Variants in TRAPPC8 observed in about 807,000 individuals in gnomAD.
TRAPPC8 encodes trafficking protein particle complex subunit 8.
In TRAPPC8, 54 loss-of-function variants were observed where a neutral mutation model predicts 174.3. The observed-to-expected ratio is 0.31, with a 90% CI of 0.25 to 0.39. The LOEUF (loss-of-function observed/expected upper bound fraction) is 0.39, where lower values mean the gene tolerates loss of function less well. Among genes scored for constraint, TRAPPC8 ranks in the 10% least tolerant of loss-of-function variants. The pLI is 1.00. For synonymous variants in TRAPPC8, 630 were observed against 579.9 expected, an observed-to-expected ratio of 1.09 and a Z score of -1.24; for missense variants, 1,531 against 1,699.1, an observed-to-expected ratio of 0.90 and a Z score of 1.74.
chr18:31,836,822 C>T (rs2032760176), intron 27 of TRAPPC8, among the ~76,000 whole-genome samples: 1 of 144,142 alleles, frequency 6.9e-6, no homozygotes, highest in South Asian at 2.2e-4. Context: ...ACTGCAGTGG[C>T]ACGATCTCGG....
At chr18:31,858,089 T>C in intron 19 of TRAPPC8, 107 bp from the exon 20 acceptor site, 2 of 934,160 alleles carry the variant, frequency 2.1e-6, no homozygotes, top group Non-Finnish European at 3.2e-6. Context: ...GGTTTACAAG[T>C]GTTTCATTAA....
At chr18:31,900,865 A>G (rs2036390834) in intron 10 of TRAPPC8, 60 bp downstream of exon 10, 2 of 1,393,872 alleles carry the variant, frequency 1.4e-6, no homozygotes, top group South Asian at 1.3e-5. Context: ...GGGAAAAAAA[A>G]AAAAAAAGAA....
intron 20 of TRAPPC8, among the ~76,000 whole-genome samples, chr18:31,856,732 T>C (rs1423307579): frequency 6.6e-6 from 1 of 151,830 alleles, no homozygotes; most frequent in East Asian, 1.9e-4. Context: ...ACAAATAAAA[T>C]ATATACAGCC....
rs1276444597 is a variant in TRAPPC8, at chr18:31,913,595, G to C, written c.618-73C>G. 6.1e-6 allele frequency: 7 copies of C among 1,154,188 alleles called. No homozygotes were observed. The East Asian group carries it at 8.8e-5, about 15-fold the overall frequency. The allele number at this position is 1,154,188 out of a possible 1,614,324, so 71.5% of individuals were successfully genotyped here. ...TTAGGCAATAATAGAGACTAAAGTA[G>C]TACAAAAATAACATTAAAATAATCC... On this transcript the variant is annotated intron_variant, in intron 4 of 28. Coordinates refer to ENST00000283351, the MANE Select transcript of TRAPPC8 (RefSeq NM_014939.5).
At position 31,934,987 on chromosome 18, in the gene TRAPPC8, T is replaced by TAAATAAAA. The variant is rs760644949; in HGVS notation, c.158-3465_158-3464insTTTTATTT. ...ATAAATAAATAAATAAATAAATAAA[T>TAAATAAAA]AAAATGTATTTTGAAAATAATGACA... On this transcript the variant is annotated intron_variant, in intron 1 of 28. Transcript: ENST00000283351. 4.9e-4 allele frequency among the ~76,000 whole-genome samples: 72 copies of TAAATAAAA among 146,190 alleles called. 1 individual carries two copies. The highest frequency in any genetic ancestry group is 2.4e-3 in the Admixed American group (35 of 14,658).
chr18:31,897,534 CAG>C (rs1305066980), intron 11 of TRAPPC8, among the ~76,000 whole-genome samples: 20 of 152,116 alleles, frequency 1.3e-4, no homozygotes, highest in Non-Finnish European at 2.6e-4. Context: ...TAATAAGTCA[CAG>C]AGTATGCTCA....
At chr18:31,867,777 G>A (rs983141512) in intron 16 of TRAPPC8, among the ~76,000 whole-genome samples, 4 of 152,070 alleles carry the variant, frequency 2.6e-5, no homozygotes, top group Non-Finnish European at 5.9e-5. Context: ...TACTCAGGAG[G>A]CTGAGGCAGG....
At chr18:31,903,046 CAA>C (rs56801475) in intron 9 of TRAPPC8, among the ~76,000 whole-genome samples, 45 of 122,674 alleles carry the variant, frequency 3.7e-4, no homozygotes, top group East Asian at 6.7e-4. Context: ...AGACTCATCT[CAA>C]AAAAAAAAAA....
rs893625507 is a variant in TRAPPC8 at position 31,865,442 on chromosome 18, A to G, written c.2591-661T>C. 3.9e-5 allele frequency among the ~76,000 whole-genome samples: 6 copies of G among 152,026 alleles called. No individual in the cohort carries two copies. In the East Asian group the frequency reaches 5.8e-4, roughly 15 times the overall value. ...TTAATGTGCCGAAGGTCACTGTAATAATCTCAAGCCAGATATAAAATGTAT... is the reference window on the plus strand; with the variant it reads ...TTAATGTGCCGAAGGTCACTGTAATGATCTCAAGCCAGATATAAAATGTAT... On this transcript the variant is annotated intron_variant, in intron 18 of 28. Coordinates refer to ENST00000283351, the MANE Select transcript of TRAPPC8 (RefSeq NM_014939.5).
chr18:31,923,158 G>A (rs1230425367), intron 2 of TRAPPC8, among the ~76,000 whole-genome samples: 2 of 152,110 alleles, frequency 1.3e-5, no homozygotes, highest in African/African-American at 4.8e-5. Context: ...ACATAATGCT[G>A]TAAGAGTAAA....
chr18:31,897,547 A>G (rs775397591), intron 11 of TRAPPC8, among the ~76,000 whole-genome samples: 2 of 152,222 alleles, frequency 1.3e-5, no homozygotes, highest in Non-Finnish European at 2.9e-5. Context: ...AGTATGCTCA[A>G]TACATGTCTG....
chr18:31,908,357 C>T lies in TRAPPC8; in HGVS notation c.1184G>A (p.Gly395Asp). 1 of 1,606,850 alleles carries T rather than the reference C, an allele frequency of 6.2e-7. No individual in the cohort carries two copies. The change falls in exon 8 of 29, where the codon GGC (glycine) becomes GAC (aspartate). Residue 395 changes from glycine to aspartate, a missense_variant. Transcript: ENST00000283351. ...AATGCTCTTTTCTGGAACTTTACTGCCACTAAACCATTTTTTAGTTGCAGA... is the reference window on the plus strand; with the variant it reads ...AATGCTCTTTTCTGGAACTTTACTGTCACTAAACCATTTTTTAGTTGCAGA... ...LFSATKKWFS[G>D]SKVPEKSIND...
Position 31,870,902 on chromosome 18 carries a change from G to C in TRAPPC8, c.2257+24C>G, listed in dbSNP as rs2034823668. ...CTGTAAGTAAAACAAATAAAAAACA[G>C]AAATAAAAATTCAAGTATATCACCT... On this transcript the variant is annotated intron_variant, in intron 15 of 28. Coordinates refer to ENST00000283351, the MANE Select transcript of TRAPPC8 (RefSeq NM_014939.5). The C allele has an allele frequency of 2.0e-6, 3 of 1,472,538 alleles. No individual in the cohort carries two copies. In the African/African-American group the frequency reaches 4.3e-5, roughly 21 times the overall value. 91.2% of individuals were successfully genotyped at this position (1,472,538 alleles called of 1,614,324 possible).
At chr18:31,890,946 T>C (rs1328455991) in intron 11 of TRAPPC8, 80 bp from the exon 12 acceptor site, 4 of 1,359,826 alleles carry the variant, frequency 2.9e-6, no homozygotes, top group Non-Finnish European at 4.0e-6. Flanking sequence ...AAACATTTAA[T>C]TTCTTAATAT....
At chr18:31,923,991 A>G (rs2037501319) in intron 2 of TRAPPC8, among the ~76,000 whole-genome samples, 1 of 152,178 alleles carries the variant, frequency 6.6e-6, no homozygotes, top group South Asian at 2.1e-4. Flanking sequence ...TACTAAAAAA[A>G]TACAAAAATT....
At chr18:31,901,869 G>A (rs1242997605) in intron 9 of TRAPPC8, among the ~76,000 whole-genome samples, 3 of 152,340 alleles carry the variant, frequency 2.0e-5, no homozygotes, top group Middle Eastern at 6.8e-3. Context: ...ATGTGCTTAT[G>A]GGTGAATGTT....
At chr18:31,913,639 G>C in intron 4 of TRAPPC8, 117 bp from the exon 5 acceptor site, 1 of 778,040 alleles carries the variant, frequency 1.3e-6, no homozygotes, top group Non-Finnish European at 1.9e-6. Context: ...GGCATATTTA[G>C]ACTGGAAAAA....
intron 11 of TRAPPC8, among the ~76,000 whole-genome samples, chr18:31,893,003 T>A (rs546698062): frequency 4.4e-4 from 65 of 147,092 alleles, no homozygotes; most frequent in African/African-American, 1.5e-3. Context: ...GGTGAACGAA[T>A]GACGCCTTGT....
rs143165332 is a variant in TRAPPC8 at position 31,917,749 on chromosome 18, T to C, written c.353-82A>G. On this transcript the variant is annotated intron_variant, in intron 2 of 28. Coordinates refer to ENST00000283351, the MANE Select transcript of TRAPPC8 (RefSeq NM_014939.5). ...AGACAAAATTTCAAGTCCATATTCC[T>C]AAAAGGTATAAAAAAAAAATTTCTA... 24 of 1,252,080 alleles carry C rather than the reference T, an allele frequency of 1.9e-5. 1 individual carries two copies. In the East Asian group the frequency reaches 5.2e-4, roughly 27 times the overall value. The allele number at this position is 1,252,080 out of a possible 1,614,324, so 77.6% of individuals were successfully genotyped here.
Sources: allele counts gnomAD v4.1 joint callset (sites outside exome capture counted in the v4.1 genomes callset), GRCh38; gene constraint gnomAD v4.1.1; transcripts MANE v1.5; gene names NCBI Gene and HGNC (gene_info 2026-07-23, HGNC 2026-07-21).